Variants in SAMD5 observed in about 807,000 individuals in gnomAD.
SAMD5 encodes the protein sterile alpha motif domain containing 5.
Under a neutral mutation model 11.3 loss-of-function variants are expected in SAMD5, and 13 were observed. That is an observed-to-expected ratio of 1.15 (90% CI 0.75 to 1.83). The LOEUF (loss-of-function observed/expected upper bound fraction) is 1.83, where lower values mean the gene tolerates loss of function less well. Among genes scored for constraint, SAMD5 ranks in the 40% most tolerant of loss-of-function variants. The pLI is 0.00. For missense variants in SAMD5, 255 were observed against 239.1 expected, an observed-to-expected ratio of 1.07 and a Z score of -0.44; for synonymous variants, 129 against 111.3, an observed-to-expected ratio of 1.16 and a Z score of -1.00.
At chr6:147,617,924 AT>A (rs1178757598) in intron 1 of SAMD5, among the ~76,000 whole-genome samples, 26 of 152,318 alleles carry the variant, frequency 1.7e-4, no homozygotes, top group African/African-American at 5.3e-4. Context: ...GAGTAATTTA[AT>A]TTTTTAATAT....
chr6:147,558,158 A>T (rs1159082325), intron 1 of SAMD5, among the ~76,000 whole-genome samples: 2 of 152,206 alleles, frequency 1.3e-5, no homozygotes, highest in Non-Finnish European at 2.9e-5. Context: ...GATTAATGTT[A>T]ATGGTGATTT....
intron 1 of SAMD5, among the ~76,000 whole-genome samples, chr6:147,512,308 C>A (rs575453476): frequency 2.0e-5 from 3 of 152,212 alleles, no homozygotes; most frequent in East Asian, 3.9e-4. Flanking sequence ...GTGGAGTGGG[C>A]TTTTCAGTCT....
intron 1 of SAMD5, among the ~76,000 whole-genome samples, chr6:147,614,064 G>A (rs1789829308): frequency 6.6e-6 from 1 of 152,004 alleles, no homozygotes; most frequent in Non-Finnish European, 1.5e-5. Flanking sequence ...TGTCTGGGGA[G>A]ATCGAGAAAA....
chr6:147,700,380 A>AG (rs1287483987), intron 1 of SAMD5, among the ~76,000 whole-genome samples: 1 of 152,200 alleles, frequency 6.6e-6, no homozygotes, highest in Non-Finnish European at 1.5e-5. Flanking sequence ...TTTAATGAAA[A>AG]GCAGGTGCAT....
rs1020818398 is a variant in SAMD5 at position 147,613,235 on chromosome 6, C to A, written c.162+103848C>A. Among the ~76,000 whole-genome samples the A allele has an allele frequency of 2.0e-4, 30 of 152,016 alleles. 1 individual carries two copies. The highest frequency in any genetic ancestry group is 6.8e-4 in the African/African-American group (28 of 41,312). ...TCATCTGCTCCCCTGCCTTCCTGCA[C>A]CCCCTAGAGCAGCTGTGTAGTACAG... On this transcript the variant is annotated intron_variant, in intron 1 of 1. Coordinates refer to the SAMD5 transcript ENST00000566741.
chr6:147,877,891 A>ATAGCTAGC, the SAMD5 span, among the ~76,000 whole-genome samples: 204 of 90,158 alleles, frequency 2.3e-3, no homozygotes, highest in Middle Eastern at 5.4e-3. Context: ...CGATAGATAG[A>ATAGCTAGC]TAGCTAGATA....
At chr6:147,746,009 T>G in the SAMD5 span, among the ~76,000 whole-genome samples, 9 of 152,250 alleles carry the variant, frequency 5.9e-5, 1 homozygote, top group South Asian at 1.9e-3. Context: ...CCCAGGGTGC[T>G]GGGATTACAG....
At chr6:147,611,875 C>A (rs1440869946) in intron 1 of SAMD5, among the ~76,000 whole-genome samples, 1 of 152,130 alleles carries the variant, frequency 6.6e-6, no homozygotes, top group Non-Finnish European at 1.5e-5. Flanking sequence ...AAAGTGTAAT[C>A]TGGGAAAAGG....
chr6:147,839,657 G>A, the SAMD5 span, among the ~76,000 whole-genome samples: 159 of 152,294 alleles, frequency 1.0e-3, 1 homozygote, highest in African/African-American at 3.7e-3. Context: ...GGCTGAGGCA[G>A]GAGAAACACT....
the SAMD5 span, among the ~76,000 whole-genome samples, chr6:147,871,245 A>C: frequency 6.6e-6 from 1 of 152,208 alleles, no homozygotes; most frequent in South Asian, 2.1e-4. Flanking sequence ...ACTTCAACAG[A>C]GTGAAAAGCA....
At chr6:147,712,456 A>G (rs1791413101) in intron 1 of SAMD5, among the ~76,000 whole-genome samples, 1 of 152,182 alleles carries the variant, frequency 6.6e-6, no homozygotes, top group Non-Finnish European at 1.5e-5. Flanking sequence ...ACTTAAAGTC[A>G]CCTAGCTCCA....
the SAMD5 span, among the ~76,000 whole-genome samples, chr6:147,877,915 C>CTAGA: frequency 4.1e-5 from 4 of 96,790 alleles, no homozygotes; most frequent in South Asian, 3.3e-4. Flanking sequence ...AGATAGCTAG[C>CTAGA]TAGCTAGCTA....
At chr6:147,742,320 A>G (rs180948837), downstream of SAMD5, among the ~76,000 whole-genome samples, 10 of 151,990 alleles carry the variant, frequency 6.6e-5, no homozygotes, top group East Asian at 1.7e-3. Flanking sequence ...GTTGCCTGCT[A>G]TGGGCCTCTG....
chr6:147,611,569 T>G (rs1562333021), intron 1 of SAMD5, among the ~76,000 whole-genome samples: 1 of 151,420 alleles, frequency 6.6e-6, no homozygotes. Context: ...TCTCTTAAAA[T>G]CAAATAAATA....
At chr6:147,671,798 T>C (rs774619764) in intron 1 of SAMD5, among the ~76,000 whole-genome samples, 1 of 152,236 alleles carries the variant, frequency 6.6e-6, no homozygotes, top group South Asian at 2.1e-4. Context: ...TGTTCATTAT[T>C]GCTCTAGTGC....
the SAMD5 span, among the ~76,000 whole-genome samples, chr6:147,934,153 G>C: frequency 6.6e-6 from 1 of 152,120 alleles, no homozygotes; most frequent in African/African-American, 2.4e-5. Flanking sequence ...GAGGAGGAAA[G>C]GTAAGACACT....
chr6:147,651,368 C>A (rs1041008127), intron 1 of SAMD5, among the ~76,000 whole-genome samples: 1 of 152,304 alleles, frequency 6.6e-6, no homozygotes, highest in East Asian at 1.9e-4. Context: ...ATGATTTTCC[C>A]TCTGAGAGTT....
At chr6:147,790,814 C>G in the SAMD5 span, among the ~76,000 whole-genome samples, 3 of 118,190 alleles carry the variant, frequency 2.5e-5, no homozygotes, top group Admixed American at 8.6e-5. Flanking sequence ...CTCTCTCTCT[C>G]TCTCTCTCTC....
the SAMD5 span, among the ~76,000 whole-genome samples, chr6:147,862,695 G>A: frequency 1.9e-3 from 296 of 152,262 alleles, 10 homozygotes; most frequent in East Asian, 0.041. Flanking sequence ...ATCAAATAGA[G>A]CTCACATGTG....
Sources: gnomAD v4.1 joint callset for allele counts (sites outside exome capture counted in the v4.1 genomes callset) on GRCh38, gnomAD v4.1.1 for gene constraint, MANE v1.5 for transcripts, NCBI Gene and HGNC (gene_info 2026-07-23, HGNC 2026-07-21) for gene names.